The following ZNF827 variants were observed in gnomAD, a reference collection of about 807,000 sequenced individuals.
ZNF827 encodes zinc finger protein 827.
In ZNF827, 13 loss-of-function variants were observed where a neutral mutation model predicts 102.4. That is an observed-to-expected ratio of 0.13 (90% CI 0.08 to 0.20). The LOEUF (loss-of-function observed/expected upper bound fraction) is 0.20, where lower values mean the gene tolerates loss of function less well. ZNF827 is among the 10% of genes least tolerant of loss of function. The probability of loss-of-function intolerance (pLI) is 1.00; values close to 1 mark genes in which losing one functional copy is unlikely to be tolerated. For synonymous variants in ZNF827, 523 were observed against 536.2 expected, an observed-to-expected ratio of 0.98 and a Z score of 0.34; for missense variants, 1,103 against 1,344.4, an observed-to-expected ratio of 0.82 and a Z score of 2.81.
At chr4:145,793,048 A>G (rs1386529622) in intron 8 of ZNF827, among the ~76,000 whole-genome samples, 2 of 151,792 alleles carry the variant, frequency 1.3e-5, no homozygotes, top group Non-Finnish European at 2.9e-5. Flanking sequence ...CTCATTACAT[A>G]GATCTTAAAT....
In ZNF827 at chr4:145,902,882, AGCC is replaced by A. The variant is rs1369414397; in HGVS notation, c.374_376del (p.Arg125del). On this transcript the variant is annotated inframe_deletion, in exon 2 of 15. Transcript: ENST00000508784. The surrounding 1 kb of genome is among the most constrained non-coding windows in gnomAD (Gnocchi z 4.3). ...GAGTTTGAGGGAACCAGCCTCCAGC[AGCC>A]GCCTCAAATTGCTGCTCAGGGGCTT... is the stretch of plus-strand genomic sequence containing the variant. 1 of 1,614,048 alleles carries A rather than the reference AGCC, an allele frequency of 6.2e-7. No individual in the cohort carries two copies. The highest frequency in any genetic ancestry group is 8.5e-7 in the Non-Finnish European group (1 of 1,180,042).
At chr4:145,823,331 G>C (rs556455618) in intron 8 of ZNF827, 91 bp downstream of exon 8, 4 of 1,082,856 alleles carry the variant, frequency 3.7e-6, no homozygotes, top group South Asian at 2.7e-5. Context: ...AACTACATCC[G>C]TAAGCTGAAA....
chr4:145,903,821 T>C lies in ZNF827; in HGVS notation c.44-606A>G, dbSNP rs531944530. On this transcript the variant is annotated intron_variant, in intron 1 of 14. Coordinates refer to ENST00000508784, the MANE Select transcript of ZNF827 (RefSeq NM_001306215.2). ...TATAAAGCTTATATCATAATAAGCA[T>C]GTGATCATGTTTTGAAAACAGTCAA... Among the ~76,000 whole-genome samples, 16 of 152,362 alleles carry C rather than the reference T, an allele frequency of 1.1e-4. No homozygotes were observed. In the South Asian group the frequency reaches 2.5e-3, roughly 24 times the overall value.
intron 3 of ZNF827, 137 bp from the exon 4 acceptor site, chr4:145,886,295 G>C: frequency 7.3e-7 from 1 of 1,370,060 alleles, no homozygotes; most frequent in Non-Finnish European, 9.6e-7. Flanking sequence ...TTTCACTATG[G>C]GGCTCCAGGT....
chr4:145,808,823 GTC>G (rs1741744832), intron 8 of ZNF827, among the ~76,000 whole-genome samples: 1 of 152,132 alleles, frequency 6.6e-6, no homozygotes, highest in South Asian at 2.1e-4. Flanking sequence ...TAGAGGCAGT[GTC>G]TCTCTGACAC....
intron 8 of ZNF827, among the ~76,000 whole-genome samples, chr4:145,815,964 A>G (rs1742556525): frequency 6.6e-6 from 1 of 152,264 alleles, no homozygotes; most frequent in South Asian, 2.1e-4. Flanking sequence ...TGTTCAGAGG[A>G]AGAAACCAGG....
intron 1 of ZNF827, among the ~76,000 whole-genome samples, chr4:145,932,576 G>A (rs1160927676): frequency 2.0e-5 from 3 of 151,632 alleles, no homozygotes; most frequent in Non-Finnish European, 4.4e-5. Flanking sequence ...CCGGGTTCGC[G>A]CCATTCTCCT....
At chr4:145,768,758 T>C (rs1195414698) in intron 11 of ZNF827, among the ~76,000 whole-genome samples, 2 of 139,468 alleles carry the variant, frequency 1.4e-5, no homozygotes, top group African/African-American at 5.4e-5. Context: ...CTTGGGAGGG[T>C]GAGGCAGGAG....
intron 7 of ZNF827, among the ~76,000 whole-genome samples, chr4:145,834,237 C>A (rs915941281): frequency 3.3e-5 from 5 of 152,164 alleles, no homozygotes; most frequent in East Asian, 1.9e-4. Flanking sequence ...GTCTGAGGTG[C>A]CTGACATCCA....
At position 145,903,228 on chromosome 4, in the gene ZNF827, A is replaced by G. The variant is rs1397464674; in HGVS notation, c.44-13T>C. 3 of 1,593,744 alleles carry G rather than the reference A, an allele frequency of 1.9e-6. No homozygotes were observed. Among genetic ancestry groups the G allele is most frequent in the Non-Finnish European group, 1.7e-6 (2 of 1,167,630 alleles). On this transcript the variant is annotated splice_polypyrimidine_tract_variant and intron_variant, in intron 1 of 14. Coordinates refer to ENST00000508784, the MANE Select transcript of ZNF827 (RefSeq NM_001306215.2). ...TGCCTACTAACATCTGGGGAGAATT[A>G]AGAAGATCAGGTTTACTCCCAAAGT...
At chr4:145,789,423 C>T (rs1433225481) in intron 8 of ZNF827, among the ~76,000 whole-genome samples, 1 of 152,150 alleles carries the variant, frequency 6.6e-6, no homozygotes, top group African/African-American at 2.4e-5. Context: ...ATAATTAAAA[C>T]AATAGCTTAT....
At chr4:145,777,294 G>A (rs1029582305) in intron 9 of ZNF827, among the ~76,000 whole-genome samples, 4 of 152,286 alleles carry the variant, frequency 2.6e-5, no homozygotes, top group Admixed American at 2.6e-4. Context: ...TTAAGGTTAT[G>A]CATCCTCCAT....
chr4:145,867,326 G>A (rs898715031), intron 5 of ZNF827, among the ~76,000 whole-genome samples: 1 of 152,144 alleles, frequency 6.6e-6, no homozygotes. Context: ...GCTCATCTGC[G>A]TTTTTCCCAT....
intron 8 of ZNF827, among the ~76,000 whole-genome samples, chr4:145,805,418 C>T (rs1741321764): frequency 6.6e-6 from 1 of 152,062 alleles, no homozygotes; most frequent in South Asian, 2.1e-4. Context: ...AATAGAATCC[C>T]TCTGTGATAA....
intron 8 of ZNF827, among the ~76,000 whole-genome samples, chr4:145,799,745 G>A (rs1332277541): frequency 6.6e-6 from 1 of 152,180 alleles, no homozygotes; most frequent in Non-Finnish European, 1.5e-5. Context: ...AGTGTGACCA[G>A]AAGTGATGTG....
At chr4:145,920,572 C>T (rs1422058383) in intron 1 of ZNF827, among the ~76,000 whole-genome samples, 3 of 152,210 alleles carry the variant, frequency 2.0e-5, no homozygotes, top group Non-Finnish European at 4.4e-5. Context: ...TACTGTTCAT[C>T]GCCTCCTATA....
intron 1 of ZNF827, among the ~76,000 whole-genome samples, chr4:145,936,687 A>G (rs1301469905): frequency 1.3e-5 from 2 of 151,820 alleles, no homozygotes. Flanking sequence ...CGAGGGGGAG[A>G]TCGATCGCCC....
chr4:145,765,416 G>A lies in ZNF827; in HGVS notation c.3052+131C>T. The stretch of plus-strand genomic sequence containing the variant: ...AAGCCAAAAGAAATACAACCTTTAG[G>A]TGAGGCCCAGCATACTGCATCCTGG... On this transcript the variant is annotated intron_variant, in intron 12 of 14. Transcript: ENST00000508784. This position sits in a 1 kb window ranked among gnomAD's most constrained non-coding sequence, Gnocchi z 4.7. 8.6e-7 allele frequency: 1 copy of A among 1,161,950 alleles called. No homozygotes were observed. Among genetic ancestry groups the A allele is most frequent in the Non-Finnish European group, 1.2e-6 (1 of 839,020 alleles). The allele number at this position is 1,161,950 out of a possible 1,614,324, so 72.0% of individuals were successfully genotyped here.
chr4:145,855,048 G>A (rs995114392), intron 5 of ZNF827, among the ~76,000 whole-genome samples: 1 of 152,230 alleles, frequency 6.6e-6, no homozygotes, highest in Non-Finnish European at 1.5e-5. Context: ...GTGGCACACG[G>A]TGGTGTGTAA....
Sources: allele counts gnomAD v4.1 joint callset (sites outside exome capture counted in the v4.1 genomes callset), GRCh38; gene constraint gnomAD v4.1.1; non-coding constraint Gnocchi (gnomAD v3.1); transcripts MANE v1.5; gene names NCBI Gene and HGNC (gene_info 2026-07-23, HGNC 2026-07-21).